DOCK2: variants seen among roughly 807,000 people sequenced by gnomAD.
DOCK2 encodes dedicator of cytokinesis protein 2.
DOCK2 carries 87 observed loss-of-function variants against 248.9 expected under a neutral mutation model. That is an observed-to-expected ratio of 0.35 (90% CI 0.29 to 0.42). The LOEUF is 0.42. Among genes scored for constraint, DOCK2 ranks in the 10% least tolerant of loss-of-function variants. DOCK2 has a pLI of 1.00. For synonymous variants in DOCK2, 805 were observed against 821.6 expected (o/e 0.98, Z 0.35); for missense variants, 1,747 against 2,300.2 (o/e 0.76, Z 4.92).
At position 169,645,324 on chromosome 5, in the gene DOCK2, C is replaced by T. The variant is rs142117581; in HGVS notation, c.43+7955C>T. On this transcript the variant is annotated intron_variant, in intron 1 of 51. Coordinates refer to ENST00000520908, the MANE Select transcript of DOCK2 (RefSeq NM_004946.3). ...AGTTTCTTGACTTTTTAGTAATCGCCATTCTGACTGGCATGAGATGGTATC... is the reference window on the plus strand; with the variant it reads ...AGTTTCTTGACTTTTTAGTAATCGCTATTCTGACTGGCATGAGATGGTATC... Among the ~76,000 whole-genome samples the T allele has an allele frequency of 5.7e-3, 875 of 152,322 alleles. 8 individuals are homozygous for T. Among genetic ancestry groups the T allele is most frequent in the South Asian group, 0.025 (119 of 4,820 alleles).
At chr5:170,075,142 T>C (rs1757795444) in intron 46 of DOCK2, among the ~76,000 whole-genome samples, 1 of 152,148 alleles carries the variant, frequency 6.6e-6, no homozygotes, top group Admixed American at 6.5e-5. Flanking sequence ...AAGCAATTTT[T>C]CCCCCAAGTA....
intron 27 of DOCK2, among the ~76,000 whole-genome samples, chr5:169,880,380 T>G (rs1198869720): frequency 6.6e-6 from 1 of 152,200 alleles, no homozygotes; most frequent in Non-Finnish European, 1.5e-5. Flanking sequence ...AATGAGAAGT[T>G]TTAAAAGAAG....
chr5:169,983,917 C>T (rs184672619), intron 28 of DOCK2, among the ~76,000 whole-genome samples: 36 of 152,318 alleles, frequency 2.4e-4, no homozygotes, highest in African/African-American at 8.4e-4. Flanking sequence ...TGTTCTCTCC[C>T]TTGGAGTAAG....
intron 1 of DOCK2, among the ~76,000 whole-genome samples, chr5:169,653,034 C>A (rs1461560996): frequency 2.6e-5 from 4 of 152,190 alleles, no homozygotes; most frequent in Non-Finnish European, 5.9e-5. Context: ...CCAGTTCCAG[C>A]ATTGTATGAC....
intron 9 of DOCK2, among the ~76,000 whole-genome samples, chr5:169,694,006 T>A (rs1760459827): frequency 6.6e-6 from 1 of 152,226 alleles, no homozygotes; most frequent in Non-Finnish European, 1.5e-5. Flanking sequence ...AGACCGGTGT[T>A]TGACCAAACA....
rs373973479 is a variant in DOCK2 at position 170,008,626 on chromosome 5, A to G, written c.3173+29A>G. 9.8e-4 allele frequency: 1,589 copies of G among 1,613,926 alleles called. 1 individual carries two copies. The highest frequency in any genetic ancestry group is 1.2e-3 in the Non-Finnish European group (1,429 of 1,179,950). Reference sequence around the variant, plus strand: ...GGTTGCATTTTTGGATTTCCTGAAGAGGGGGAGGTCCATGAGATCCTCTGA... The same window carrying G: ...GGTTGCATTTTTGGATTTCCTGAAGGGGGGGAGGTCCATGAGATCCTCTGA... On this transcript the variant is annotated intron_variant, in intron 31 of 51. Transcript: ENST00000520908.
intron 27 of DOCK2, among the ~76,000 whole-genome samples, chr5:169,891,755 C>T (rs1773295506): frequency 6.7e-6 from 1 of 149,138 alleles, no homozygotes. Context: ...GAGGTCAAGG[C>T]AGGTGGATCA....
intron 25 of DOCK2, among the ~76,000 whole-genome samples, chr5:169,802,097 C>T (rs1767032207): frequency 6.6e-6 from 1 of 152,080 alleles, no homozygotes; most frequent in Admixed American, 6.5e-5. Context: ...GGCTTCAGAA[C>T]CTTCCAGAAA....
At position 170,027,925 on chromosome 5, in the gene DOCK2, G is replaced by T. The variant is rs1330058560; in HGVS notation, c.3444G>T (p.Gln1148His). The change falls in exon 34 of 52, where the codon CAG (glutamine) becomes CAT (histidine). Residue 1148 changes from glutamine (Q) to histidine (H), a missense_variant. By Grantham distance (24) the Gln-to-His change is conservative (BLOSUM62 0). Coordinates refer to ENST00000520908, the MANE Select transcript of DOCK2 (RefSeq NM_004946.3). ...HEVEGGRGDE[Q>H]YMQLLESILM... Reference sequence around the variant, plus strand: ...TAGAAGGGGGCCGAGGCGACGAGCAGTACATGCAGCTCCTGGAGTCAATGT... The same window carrying T: ...TAGAAGGGGGCCGAGGCGACGAGCATTACATGCAGCTCCTGGAGTCAATGT... The T allele has an allele frequency of 1.9e-6, 3 of 1,613,430 alleles. No individual in the cohort carries two copies. Among genetic ancestry groups the T allele is most frequent in the Middle Eastern group, 1.7e-4 (1 of 6,060 alleles).
At chr5:169,775,802 T>G (rs1398415595) in intron 25 of DOCK2, among the ~76,000 whole-genome samples, 1 of 152,002 alleles carries the variant, frequency 6.6e-6, no homozygotes, top group Non-Finnish European at 1.5e-5. Context: ...AGGCCCTCTC[T>G]GGATGACAGC....
intron 23 of DOCK2, among the ~76,000 whole-genome samples, chr5:169,752,637 G>T (rs1763961178): frequency 6.6e-6 from 1 of 151,966 alleles, no homozygotes; most frequent in African/African-American, 2.4e-5. Flanking sequence ...AGTGGTGTAT[G>T]CTTGTGGTCA....
chr5:169,802,916 A>C (rs1767089180), intron 25 of DOCK2, 142 bp from the exon 26 acceptor site: 1 of 1,095,000 alleles, frequency 9.1e-7, no homozygotes, highest in African/African-American at 1.6e-5. Flanking sequence ...GGAAATCTTA[A>C]CCTAATCTTT....
In DOCK2 at chr5:169,995,878, C is replaced by T. The variant is rs117493574; in HGVS notation, c.2994-208C>T. On this transcript the variant is annotated intron_variant, in intron 29 of 51. Coordinates refer to ENST00000520908, the MANE Select transcript of DOCK2 (RefSeq NM_004946.3). ...ACAATGCAAATTTTCAAAAAGAAGTCGAACAGTTATTGAGTTCTTGCAAGG... is the reference window on the plus strand; with the variant it reads ...ACAATGCAAATTTTCAAAAAGAAGTTGAACAGTTATTGAGTTCTTGCAAGG... Among the ~76,000 whole-genome samples the T allele has an allele frequency of 7.8e-4, 119 of 152,266 alleles. 2 individuals are homozygous for T. In the East Asian group the frequency reaches 0.019, roughly 25 times the overall value.
chr5:169,813,300 G>T (rs1016182239), intron 26 of DOCK2, among the ~76,000 whole-genome samples: 8 of 152,110 alleles, frequency 5.3e-5, no homozygotes, highest in African/African-American at 1.7e-4. Flanking sequence ...CCGATGAGCT[G>T]GCTCCATTTT....
At chr5:169,978,441 T>A (rs1031737890) in intron 27 of DOCK2, among the ~76,000 whole-genome samples, 5 of 146,944 alleles carry the variant, frequency 3.4e-5, no homozygotes, top group Non-Finnish European at 4.4e-5. Flanking sequence ...GTTAAATAGA[T>A]ATGTTTAAGT....
rs190696565 is a variant in DOCK2, at chr5:169,729,047, A to G, written c.2267+10256A>G. Among the ~76,000 whole-genome samples the G allele has an allele frequency of 2.4e-3, 364 of 152,362 alleles. 3 individuals are homozygous for G. Among genetic ancestry groups the G allele is most frequent in the African/African-American group, 7.8e-3 (325 of 41,584 alleles). ...GTTGAACCCTTGCCTGAGAGCAAAG[A>G]TGGCTATTTCTGTCAAATGCTGAGG... On this transcript the variant is annotated intron_variant, in intron 22 of 51. Coordinates refer to ENST00000520908, the MANE Select transcript of DOCK2 (RefSeq NM_004946.3).
At chr5:170,056,892 A>G (rs1198663282) in intron 43 of DOCK2, 124 bp downstream of exon 43, 2 of 800,178 alleles carry the variant, frequency 2.5e-6, no homozygotes, top group Non-Finnish European at 4.0e-6. Context: ...GCCAACCTCC[A>G]TGGATACCAT....
At chr5:170,052,319 G>T (rs1032993938) in intron 41 of DOCK2, among the ~76,000 whole-genome samples, 2 of 152,174 alleles carry the variant, frequency 1.3e-5, no homozygotes, top group Non-Finnish European at 2.9e-5. Flanking sequence ...GGTTATAGGC[G>T]AGACATAGGA....
intron 2 of DOCK2, among the ~76,000 whole-genome samples, chr5:169,668,921 G>A (rs188899782): frequency 2.0e-5 from 3 of 152,300 alleles, no homozygotes; most frequent in Admixed American, 1.3e-4. Flanking sequence ...GCCCAGGAAG[G>A]CAATGGACAC....
Sources: allele counts gnomAD v4.1 joint callset (sites outside exome capture counted in the v4.1 genomes callset), GRCh38; gene constraint gnomAD v4.1.1; transcripts MANE v1.5; gene names NCBI Gene and HGNC (gene_info 2026-07-23, HGNC 2026-07-21).